The following EYS variants were observed in gnomAD, a reference collection of about 807,000 sequenced individuals.
The protein encoded by EYS is EGF-like photoreceptor maintenance factor, also known as protein eyes shut homolog.
Under a neutral mutation model 282.1 loss-of-function variants are expected in EYS, and 250 were observed. The observed-to-expected ratio is 0.89, with a 90% confidence interval of 0.80 to 0.98. The LOEUF (loss-of-function observed/expected upper bound fraction) is 0.98, where lower values mean the gene tolerates loss of function less well. Ranked by LOEUF, EYS falls within the 50% of genes least tolerant of loss-of-function variation. The probability of loss-of-function intolerance (pLI) is 0.00; values close to 1 mark genes in which losing one functional copy is unlikely to be tolerated. For synonymous variants in EYS, 1,355 were observed against 1,282.9 expected, an observed-to-expected ratio of 1.06 and a Z score of -1.20; for missense variants, 4,016 against 3,709.0, an observed-to-expected ratio of 1.08 and a Z score of -2.15.
chr6:65,145,612 T>A (rs1288508034), intron 12 of EYS, among the ~76,000 whole-genome samples: 2 of 151,864 alleles, frequency 1.3e-5, no homozygotes, highest in Non-Finnish European at 2.9e-5. Context: ...AATCAATACA[T>A]AATGGCAATG....
intron 32 of EYS, among the ~76,000 whole-genome samples, chr6:64,077,394 G>T (rs186044079): frequency 1.3e-5 from 2 of 152,038 alleles, no homozygotes; most frequent in African/African-American, 2.4e-5. Context: ...GGAAAGGCAG[G>T]TGTTATGACT....
intron 39 of EYS, among the ~76,000 whole-genome samples, chr6:63,784,553 A>G (rs1157548471): frequency 6.6e-6 from 1 of 152,072 alleles, no homozygotes; most frequent in Non-Finnish European, 1.5e-5. Context: ...GTCATGATGG[A>G]AGGTGAAGAG....
At chr6:64,178,213 T>C (rs960562428) in intron 31 of EYS, among the ~76,000 whole-genome samples, 2 of 152,096 alleles carry the variant, frequency 1.3e-5, no homozygotes, top group African/African-American at 4.8e-5. Context: ...CCAGTTGCAT[T>C]GCTATCTACC....
chr6:64,001,032 G>A (rs533102623), intron 33 of EYS, among the ~76,000 whole-genome samples: 7 of 152,296 alleles, frequency 4.6e-5, no homozygotes, highest in South Asian at 4.1e-4. Flanking sequence ...AAGCCTAAGA[G>A]CATATCCCTT....
chr6:64,295,599 G>A (rs1476413528), intron 30 of EYS, among the ~76,000 whole-genome samples: 1 of 142,092 alleles, frequency 7.0e-6, no homozygotes, highest in Admixed American at 7.0e-5. Context: ...TGCAGTGGCG[G>A]GCGTCTGTAG....
In EYS at chr6:65,042,535, C is replaced by T. The variant is rs140542608; in HGVS notation, c.2137+15079G>A. On this transcript the variant is annotated intron_variant, in intron 13 of 42. Transcript: ENST00000503581. ...TTTTTACTTGTTGCTCTTTGGAATGCCTTTTGCATAATCCATTTAAATTTG... is the reference window on the plus strand; with the variant it reads ...TTTTTACTTGTTGCTCTTTGGAATGTCTTTTGCATAATCCATTTAAATTTG... Among the ~76,000 whole-genome samples, 10 of 151,090 alleles carry T rather than the reference C, an allele frequency of 6.6e-5. 1 individual carries two copies. Among genetic ancestry groups the T allele is most frequent in the African/African-American group, 1.9e-4 (8 of 41,378 alleles).
intron 29 of EYS, among the ~76,000 whole-genome samples, chr6:64,323,531 G>A (rs1451902754): frequency 1.3e-5 from 2 of 152,056 alleles, no homozygotes; most frequent in African/African-American, 4.8e-5. Flanking sequence ...TGAGAATTAT[G>A]AGTCATCCAA....
intron 26 of EYS, 81 bp from the exon 27 acceptor site, chr6:64,439,433 G>A: frequency 3.2e-6 from 3 of 928,658 alleles, no homozygotes; most frequent in Non-Finnish European, 4.6e-6. Flanking sequence ...CATAGCATAT[G>A]TTTTCTCTAA....
At chr6:64,704,777 G>A (rs1770942093) in intron 22 of EYS, among the ~76,000 whole-genome samples, 1 of 151,844 alleles carries the variant, frequency 6.6e-6, no homozygotes, top group Non-Finnish European at 1.5e-5. Context: ...CCACAAACCT[G>A]GGCAGGTCTT....
At chr6:65,413,511 A>G (rs1767108774) in intron 5 of EYS, among the ~76,000 whole-genome samples, 1 of 152,266 alleles carries the variant, frequency 6.6e-6, no homozygotes, top group Non-Finnish European at 1.5e-5. Flanking sequence ...CAAAGATGCA[A>G]GGAATATCTA....
rs1220287891 is a variant in EYS at position 64,591,194 on chromosome 6, G to A, written c.4673C>T (p.Thr1558Ile). The change falls in exon 26 of 43, where the codon ACA (threonine) becomes ATA (isoleucine). Residue 1558 changes from threonine to isoleucine, a missense_variant. Coordinates refer to ENST00000503581, the MANE Select transcript of EYS (RefSeq NM_001142800.2). ...GGATTTTATTTCAGTCATAGAACATGTTGCACATGTTTGGCTTAATTCTCT... is the reference window on the plus strand; with the variant it reads ...GGATTTTATTTCAGTCATAGAACATATTGCACATGTTTGGCTTAATTCTCT... ...SLRELSQTCA[T>I]CSMTEIKSSR... 1 of 1,551,344 alleles carries A rather than the reference G, an allele frequency of 6.4e-7. No homozygotes were observed. Among genetic ancestry groups the A allele is most frequent in the Non-Finnish European group, 8.7e-7 (1 of 1,146,800 alleles).
At chr6:64,690,637 A>G (rs1770344202) in intron 22 of EYS, among the ~76,000 whole-genome samples, 1 of 152,200 alleles carries the variant, frequency 6.6e-6, no homozygotes, top group Non-Finnish European at 1.5e-5. Context: ...ACAACATGGA[A>G]TACTATGCAG....
At chr6:64,265,593 GAGAAT>G (rs1177978150) in intron 30 of EYS, among the ~76,000 whole-genome samples, 9 of 152,160 alleles carry the variant, frequency 5.9e-5, no homozygotes, top group African/African-American at 2.2e-4. Context: ...ATCAGAAATT[GAGAAT>G]AGAAAAGTAA....
intron 5 of EYS, among the ~76,000 whole-genome samples, chr6:65,471,855 T>A (rs1185937968): frequency 6.6e-6 from 1 of 152,112 alleles, no homozygotes; most frequent in Non-Finnish European, 1.5e-5. Context: ...TAAACTATAT[T>A]TCATAATATT....
intron 28 of EYS, among the ~76,000 whole-genome samples, chr6:64,397,767 C>T (rs977953367): frequency 3.9e-5 from 6 of 152,010 alleles, no homozygotes; most frequent in African/African-American, 1.4e-4. Context: ...TCATTGACTT[C>T]TGCTCTTTAT....
At chr6:65,385,355 T>C (rs994614897) in intron 7 of EYS, among the ~76,000 whole-genome samples, 3 of 151,916 alleles carry the variant, frequency 2.0e-5, no homozygotes, top group African/African-American at 7.2e-5. Flanking sequence ...TCAAAGGCCA[T>C]GTTGGCACAA....
intron 11 of EYS, among the ~76,000 whole-genome samples, chr6:65,298,083 G>C (rs2150287756): frequency 6.6e-6 from 1 of 152,156 alleles, no homozygotes; most frequent in East Asian, 1.9e-4. Context: ...TAAATGAACA[G>C]GATATCCTGT....
intron 18 of EYS, among the ~76,000 whole-genome samples, chr6:64,898,667 T>C (rs892662439): frequency 7.3e-5 from 11 of 150,286 alleles, no homozygotes; most frequent in Admixed American, 3.3e-4. Context: ...GCAAATTGTA[T>C]AAAGAGTCAA....
chr6:64,006,502 T>C (rs1487483662), intron 33 of EYS, among the ~76,000 whole-genome samples: 1 of 152,182 alleles, frequency 6.6e-6, no homozygotes, highest in Non-Finnish European at 1.5e-5. Context: ...CTGATTGCTC[T>C]GGCTAAGACT....
Sources: allele counts gnomAD v4.1 joint callset (sites outside exome capture counted in the v4.1 genomes callset), GRCh38; gene constraint gnomAD v4.1.1; transcripts MANE v1.5; gene names NCBI Gene and HGNC (gene_info 2026-07-23, HGNC 2026-07-21).